URI1: variants seen among roughly 807,000 people sequenced by gnomAD.
URI1 encodes the protein unconventional prefoldin RPB5 interactor 1.
In URI1, 39 loss-of-function variants were observed where a neutral mutation model predicts 60.2. That is an observed-to-expected ratio of 0.65 (90% CI 0.50 to 0.85). URI1 has a LOEUF of 0.85. Among genes scored for constraint, URI1 ranks in the 40% least tolerant of loss-of-function variants. URI1 has a pLI of 0.00. For synonymous variants in URI1, 251 were observed against 236.8 expected (o/e 1.06, Z -0.55); for missense variants, 691 against 665.9 (o/e 1.04, Z -0.42).
chr19:29,927,560 CTTTTTTTTT>C (rs3049080), intron 1 of URI1, among the ~76,000 whole-genome samples: 3 of 39,812 alleles, frequency 7.5e-5, no homozygotes, highest in African/African-American at 3.8e-4. Context: ...CTGCACCCGG[CTTTTTTTTT>C]TTTTTTTTTT....
chr19:29,971,179 T>A lies in URI1; in HGVS notation c.118-14T>A, dbSNP rs756417835. On this transcript the variant is annotated splice_polypyrimidine_tract_variant and intron_variant, in intron 1 of 10. Transcript: ENST00000392271. ...CTCTGTTTTTTCATGAGTAGTTATC[T>A]GTTTTCATGACAGGTGGTCACTAAC... 6.2e-7 allele frequency: 1 copy of A among 1,612,026 alleles called. No individual in the cohort carries two copies. The highest frequency in any genetic ancestry group is 8.5e-7 in the Non-Finnish European group (1 of 1,179,132).
chr19:29,923,862 A>T, intron 1 of URI1: 1 of 1,153,822 alleles, frequency 8.7e-7, no homozygotes, highest in Admixed American at 2.1e-5. Flanking sequence ...AACAAGATAC[A>T]GATGGCGCTG....
In URI1 at chr19:29,923,676, G is replaced by A. The variant is rs2054841356; in HGVS notation, c.-16G>A. On this transcript the variant is annotated 5_prime_UTR_variant, in exon 1 of 11. Transcript: ENST00000360605. ...CTTCTCACTCTTTTCCAGGCTCCTT[G>A]GAGGTCACTGCCCTGATGACAACAT... is the stretch of plus-strand genomic sequence containing the variant. The A allele has an allele frequency of 2.0e-6, 3 of 1,536,380 alleles. No individual in the cohort carries two copies. In the African/African-American group the frequency reaches 4.1e-5, roughly 21 times the overall value.
intron 2 of URI1, among the ~76,000 whole-genome samples, chr19:29,978,850 A>G (rs1420206392): frequency 6.6e-6 from 1 of 152,132 alleles, no homozygotes; most frequent in Admixed American, 6.6e-5. Context: ...AGGTTTTTAA[A>G]TATTTGGTAG....
chr19:29,956,952 G>A (rs1213072172), intron 1 of URI1: 1 of 961,502 alleles, frequency 1.0e-6, no homozygotes, highest in Admixed American at 1.7e-5. Context: ...ACATTTTCTG[G>A]AATGTCAACA....
chr19:30,008,988 AT>A lies in URI1; in HGVS notation c.687-13del, dbSNP rs1405481473. ...CTAGTATGTTTGTTTGATCTTGTTA[AT>A]TTTCTTCCTTGCTAGTAAGCCTGAT... On this transcript the variant is annotated splice_polypyrimidine_tract_variant and intron_variant, in intron 7 of 10. Transcript: ENST00000392271. 6 of 1,554,242 alleles carry A rather than the reference AT, an allele frequency of 3.9e-6. No homozygotes were observed. Among genetic ancestry groups the A allele is most frequent in the Non-Finnish European group, 5.2e-6 (6 of 1,146,506 alleles).
At chr19:29,955,692 T>G (rs2055237163) in intron 1 of URI1, among the ~76,000 whole-genome samples, 1 of 151,570 alleles carries the variant, frequency 6.6e-6, no homozygotes, top group Non-Finnish European at 1.5e-5. Context: ...TGGGTTCAAG[T>G]GATTCTCCTG....
chr19:30,007,837 A>G (rs1054287333), intron 7 of URI1, among the ~76,000 whole-genome samples, 199 bp downstream of exon 7: 1 of 152,130 alleles, frequency 6.6e-6, no homozygotes, highest in Non-Finnish European at 1.5e-5. Context: ...GTGTTTGTGC[A>G]TATTCCCATG....
At chr19:29,936,701 A>G (rs2054975826) in intron 1 of URI1, among the ~76,000 whole-genome samples, 1 of 151,980 alleles carries the variant, frequency 6.6e-6, no homozygotes, top group South Asian at 2.1e-4. Flanking sequence ...TACTATGCAT[A>G]TGTTGATATA....
intron 2 of URI1, among the ~76,000 whole-genome samples, chr19:29,973,092 A>G (rs1461517861): frequency 1.3e-5 from 2 of 152,088 alleles, no homozygotes; most frequent in Non-Finnish European, 2.9e-5. Flanking sequence ...ATTGAAACCA[A>G]AGTGTCACCA....
At chr19:29,955,851 A>C (rs2055239436) in intron 1 of URI1, among the ~76,000 whole-genome samples, 1 of 151,470 alleles carries the variant, frequency 6.6e-6, no homozygotes, top group African/African-American at 2.4e-5. Flanking sequence ...TTGGCCCCCC[A>C]AAGTGCTGGG....
exon 1 of URI1, chr19:29,923,709 C>T: frequency 6.5e-7 from 1 of 1,536,658 alleles, no homozygotes; most frequent in Non-Finnish European, 8.7e-7. Context: ...CATGGTCTTC[C>T]CTTCAAGGAA....
intron 4 of URI1, among the ~76,000 whole-genome samples, chr19:29,990,122 A>G (rs939608492): frequency 1.3e-5 from 2 of 152,220 alleles, no homozygotes; most frequent in African/African-American, 4.8e-5. Flanking sequence ...CAGTTGCTCC[A>G]ATACTATGTT....
At chr19:29,962,105 C>T (rs962808815) in intron 1 of URI1, among the ~76,000 whole-genome samples, 6 of 152,156 alleles carry the variant, frequency 3.9e-5, no homozygotes, top group South Asian at 2.1e-4. Context: ...TTTACATTCC[C>T]GGACAAATTC....
Position 29,986,361 on chromosome 19 carries a change from G to T in URI1, c.311G>T (p.Trp104Leu). 2 of 1,610,070 alleles carry T rather than the reference G, an allele frequency of 1.2e-6. No individual in the cohort carries two copies. The highest frequency in any genetic ancestry group is 1.7e-6 in the Non-Finnish European group (2 of 1,179,300). Residue 104 changes from tryptophan (W) to leucine (L), a missense_variant, in exon 4 of 11, where the codon TGG becomes TTG. Trp to Leu is a moderately conservative substitution (Grantham distance 61, BLOSUM62 -2). Transcript: ENST00000392271. ...GTCACTGTTTTACTGGGGGACAACT[G>T]GTTTGCAAAGTGCTCAGCAAAGCAG... ...NEVTVLLGDN[W>L]FAKCSAKQAV...
chr19:29,989,727 G>C (rs983917986), intron 4 of URI1, among the ~76,000 whole-genome samples: 13 of 151,214 alleles, frequency 8.6e-5, no homozygotes, highest in Non-Finnish European at 1.5e-4. Context: ...ATGAGCCACC[G>C]CACCCCGCTG....
At chr19:29,942,936 C>G (rs953921694) in intron 1 of URI1, among the ~76,000 whole-genome samples, 10 of 152,226 alleles carry the variant, frequency 6.6e-5, no homozygotes, top group African/African-American at 2.4e-4. Flanking sequence ...GCGGGGGCAG[C>G]ACGCTGTCAA....
chr19:29,964,605 C>T (rs910199215), intron 1 of URI1, among the ~76,000 whole-genome samples: 4 of 150,874 alleles, frequency 2.7e-5, no homozygotes, highest in Admixed American at 6.6e-5. Flanking sequence ...GGATTACAGG[C>T]GCCTGCCACA....
intron 4 of URI1, chr19:30,004,443 A>G (rs1012583010): frequency 6.6e-6 from 1 of 152,016 alleles, no homozygotes; most frequent in Non-Finnish European, 1.5e-5. Context: ...ACCTGCATTC[A>G]TCATTGGTAG....
Sources: allele counts gnomAD v4.1 joint callset (sites outside exome capture counted in the v4.1 genomes callset), GRCh38; gene constraint gnomAD v4.1.1; transcripts MANE v1.5; gene names NCBI Gene and HGNC (gene_info 2026-07-23, HGNC 2026-07-21).